Variants in DDX50 observed in about 807,000 individuals in gnomAD.
DDX50 encodes the protein DExD-box helicase 50.
A neutral mutation model predicts 94.8 loss-of-function variants in DDX50; 56 were observed. The ratio of observed to expected loss-of-function variants is 0.59; its 90% CI spans 0.48 to 0.74. The LOEUF is 0.74. Ranked by LOEUF, DDX50 falls within the 30% of genes least tolerant of loss-of-function variation. The probability of loss-of-function intolerance (pLI) is 0.00; values close to 1 mark genes in which losing one functional copy is unlikely to be tolerated. For synonymous variants in DDX50, 264 were observed against 295.4 expected (o/e 0.89, Z 1.09); for missense variants, 713 against 881.2 (o/e 0.81, Z 2.42).
chr10:68,906,134 C>T (rs749842544), intron 1 of DDX50: 1 of 152,382 alleles, frequency 6.6e-6, no homozygotes, highest in Non-Finnish European at 1.5e-5. Context: ...TATAAAGAGC[C>T]TCACGTTAGT....
chr10:68,920,918 A>C (rs1841922302), intron 8 of DDX50, among the ~76,000 whole-genome samples: 1 of 143,542 alleles, frequency 7.0e-6, no homozygotes, highest in Non-Finnish European at 1.5e-5. Context: ...ACTACACTCC[A>C]GCCTGGATGA....
intron 8 of DDX50, among the ~76,000 whole-genome samples, chr10:68,923,967 T>G (rs1207410115): frequency 5.2e-5 from 3 of 58,192 alleles, no homozygotes; most frequent in African/African-American, 1.4e-4. Flanking sequence ...TTTTTTTTTT[T>G]GAGACAGAGT....
chr10:68,932,227 A>G (rs1396954793), intron 8 of DDX50, among the ~76,000 whole-genome samples: 2 of 152,204 alleles, frequency 1.3e-5, no homozygotes, highest in Admixed American at 1.3e-4. Context: ...TTTAGATACC[A>G]AGGCTGAAAT....
intron 8 of DDX50, among the ~76,000 whole-genome samples, chr10:68,931,904 T>C (rs1425999780): frequency 6.6e-6 from 1 of 152,112 alleles, no homozygotes; most frequent in East Asian, 1.9e-4. Flanking sequence ...CCACTCCCCA[T>C]TCTTTATGTA....
At chr10:68,938,021 TA>T (rs1197923295) in intron 12 of DDX50, among the ~76,000 whole-genome samples, 2 of 152,220 alleles carry the variant, frequency 1.3e-5, no homozygotes, top group Admixed American at 6.5e-5. Context: ...CTGTGAAAAT[TA>T]ATGATAGTTC....
In DDX50 at chr10:68,918,399, A is replaced by G. The variant is rs117554484; in HGVS notation, c.1090-1433A>G. On this transcript the variant is annotated intron_variant, in intron 7 of 14. Transcript: ENST00000373585. ...CATCACCCCAGAAGGAAACCCAACA[A>G]CCGTTAAACAGTTACTCTCCATTCC... Among the ~76,000 whole-genome samples the G allele has an allele frequency of 2.4e-4, 35 of 147,108 alleles. No homozygotes were observed. The East Asian group carries it at 7.0e-3, about 29-fold the overall frequency.
At chr10:68,938,919 C>T (rs986779543) in intron 12 of DDX50, among the ~76,000 whole-genome samples, 1 of 151,928 alleles carries the variant, frequency 6.6e-6, no homozygotes, top group African/African-American at 2.4e-5. Context: ...GAGTCTTGGT[C>T]GGTTGTTTGG....
At chr10:68,935,808 C>G (rs988793091) in intron 10 of DDX50, among the ~76,000 whole-genome samples, 198 bp from the exon 11 acceptor site, 4 of 151,992 alleles carry the variant, frequency 2.6e-5, no homozygotes, top group African/African-American at 9.7e-5. Context: ...GCACTCCAGC[C>G]TGGGCAACAG....
intron 8 of DDX50, among the ~76,000 whole-genome samples, chr10:68,931,068 C>T (rs1359499363): frequency 6.6e-6 from 1 of 152,150 alleles, no homozygotes; most frequent in Non-Finnish European, 1.5e-5. Context: ...AGATTGTCCT[C>T]TTATAAAGCC....
chr10:68,918,428 CTTTTT>C (rs34777951), intron 7 of DDX50, among the ~76,000 whole-genome samples: 2 of 57,028 alleles, frequency 3.5e-5, no homozygotes, highest in East Asian at 4.3e-4. Flanking sequence ...CCATTCCCTC[CTTTTT>C]TTTTTTTTTT....
intron 10 of DDX50, 121 bp from the exon 11 acceptor site, chr10:68,935,885 T>C: frequency 1.5e-6 from 1 of 688,742 alleles, no homozygotes; most frequent in Non-Finnish European, 2.4e-6. Context: ...TCTTTTAATC[T>C]GCTAGGGCTA....
At chr10:68,918,219 C>T (rs936976692) in intron 7 of DDX50, among the ~76,000 whole-genome samples, 1 of 152,020 alleles carries the variant, frequency 6.6e-6, no homozygotes, top group Non-Finnish European at 1.5e-5. Flanking sequence ...CCACTGCGCC[C>T]TGCCTATATA....
At chr10:68,938,173 A>G (rs1169157625) in intron 12 of DDX50, among the ~76,000 whole-genome samples, 2 of 152,212 alleles carry the variant, frequency 1.3e-5, no homozygotes, top group African/African-American at 4.8e-5. Context: ...GTATCCCAGA[A>G]CCTACATTTC....
rs1454076037 is a variant in DDX50, at chr10:68,913,402, C to A, written c.769C>A (p.Arg257=). Residue 257 remains arginine, a synonymous_variant, in exon 6 of 15, where the codon CGA becomes AGA. Transcript: ENST00000373585. Reference sequence around the variant, plus strand: ...CTCTCTTCTCACAGTTAATCATATTCGAAATGGTATTGACATCTTGGTTGG... The same window carrying A: ...CTCTCTTCTCACAGTTAATCATATTAGAAATGGTATTGACATCTTGGTTGG... ...TSYQSQINHI[R]NGIDILVGTP... 1.2e-6 allele frequency: 2 copies of A among 1,611,180 alleles called. No homozygotes were observed. The highest frequency in any genetic ancestry group is 2.7e-5 in the African/African-American group (2 of 74,848).
chr10:68,928,028 T>C (rs1298082494), intron 8 of DDX50, among the ~76,000 whole-genome samples: 8 of 152,114 alleles, frequency 5.3e-5, no homozygotes, highest in African/African-American at 1.9e-4. Flanking sequence ...CTCTTTAAAA[T>C]AAATGAATAA....
At chr10:68,905,323 T>C (rs1420155360) in intron 1 of DDX50, among the ~76,000 whole-genome samples, 1 of 151,746 alleles carries the variant, frequency 6.6e-6, no homozygotes, top group Admixed American at 6.6e-5. Flanking sequence ...AATAGTGTTT[T>C]TTAAAAAAAT....
intron 7 of DDX50, among the ~76,000 whole-genome samples, chr10:68,915,960 A>C (rs1407295870): frequency 1.3e-5 from 2 of 152,218 alleles, no homozygotes; most frequent in African/African-American, 4.8e-5. Flanking sequence ...AAATAGTGCT[A>C]AATGGATTCC....
At chr10:68,926,902 T>G (rs1842106343) in intron 8 of DDX50, among the ~76,000 whole-genome samples, 1 of 148,522 alleles carries the variant, frequency 6.7e-6, no homozygotes, top group Non-Finnish European at 1.5e-5. Context: ...AATTATCAAG[T>G]AAAAAAAACC....
intron 8 of DDX50, among the ~76,000 whole-genome samples, chr10:68,932,714 T>C (rs950638558): frequency 3.9e-4 from 60 of 152,170 alleles, no homozygotes; most frequent in African/African-American, 1.3e-3. Context: ...ATCTACCTAA[T>C]ATAAATAGGT....
Sources: allele counts gnomAD v4.1 joint callset (sites outside exome capture counted in the v4.1 genomes callset), GRCh38; gene constraint gnomAD v4.1.1; transcripts MANE v1.5; gene names NCBI Gene and HGNC (gene_info 2026-07-23, HGNC 2026-07-21).